FHOD3: variants seen among roughly 807,000 people sequenced by gnomAD.
The protein encoded by FHOD3 is FH1/FH2 domain-containing protein 3.
FHOD3 carries 90 observed loss-of-function variants against 173.0 expected under a neutral mutation model. The ratio of observed to expected loss-of-function variants is 0.52; its 90% CI spans 0.44 to 0.62. FHOD3 has a LOEUF of 0.62. FHOD3 is among the 20% of genes least tolerant of loss of function. The pLI is 0.00. For missense variants in FHOD3, 1,945 were observed against 2,034.7 expected, an observed-to-expected ratio of 0.96 and a Z score of 0.85; for synonymous variants, 828 against 823.0, an observed-to-expected ratio of 1.01 and a Z score of -0.10.
intron 27 of FHOD3, among the ~76,000 whole-genome samples, chr18:36,765,100 A>C (rs148967334): frequency 6.6e-6 from 1 of 152,312 alleles, no homozygotes; most frequent in Non-Finnish European, 1.5e-5. Flanking sequence ...TCCATGAGAC[A>C]TTTGCTAAAT....
intron 3 of FHOD3, among the ~76,000 whole-genome samples, chr18:36,449,719 A>G (rs2051712239): frequency 6.6e-6 from 1 of 152,182 alleles, no homozygotes; most frequent in Admixed American, 6.5e-5. Flanking sequence ...TCTTGTTCTG[A>G]TATACATAAT....
intron 3 of FHOD3, among the ~76,000 whole-genome samples, chr18:36,483,674 G>C (rs558297043): frequency 6.6e-6 from 1 of 152,322 alleles, no homozygotes; most frequent in Non-Finnish European, 1.5e-5. Flanking sequence ...AACTGGTACA[G>C]AGATTGTCAT....
chr18:36,676,735 C>T (rs1441727403), intron 14 of FHOD3, among the ~76,000 whole-genome samples: 1 of 152,140 alleles, frequency 6.6e-6, no homozygotes, highest in East Asian at 1.9e-4. Flanking sequence ...CAGTATATCA[C>T]TGTGGGTTTT....
Position 36,723,777 on chromosome 18 carries a change from C to T in FHOD3, c.3417+5062C>T, listed in dbSNP as rs561215857. ...CAGTGTCTATTATCAATTGCAGCAC[C>T]TTCTGGGGTGCATCCTCTGATACTA... On this transcript the variant is annotated intron_variant, in intron 19 of 28. Transcript: ENST00000590592. Among the ~76,000 whole-genome samples the T allele has an allele frequency of 2.0e-5, 3 of 152,312 alleles. No homozygotes were observed. The East Asian group carries it at 5.8e-4, about 29-fold the overall frequency.
At chr18:36,453,501 C>T (rs191665316) in intron 3 of FHOD3, among the ~76,000 whole-genome samples, 18 of 152,372 alleles carry the variant, frequency 1.2e-4, no homozygotes, top group African/African-American at 3.1e-4. Flanking sequence ...TATGCCCCTA[C>T]GTGCTCTGCG....
chr18:36,561,497 C>T (rs1328737035), intron 5 of FHOD3, among the ~76,000 whole-genome samples: 2 of 152,146 alleles, frequency 1.3e-5, no homozygotes, highest in African/African-American at 2.4e-5. Flanking sequence ...TCTGCTGTGG[C>T]TATTAGGCTG....
intron 3 of FHOD3, among the ~76,000 whole-genome samples, chr18:36,422,253 A>G (rs1431020468): frequency 2.0e-5 from 3 of 152,196 alleles, no homozygotes; most frequent in African/African-American, 7.2e-5. Context: ...GTAACATACC[A>G]TATATACTTT....
At chr18:36,622,859 T>A (rs2033819333) in intron 9 of FHOD3, among the ~76,000 whole-genome samples, 1 of 152,186 alleles carries the variant, frequency 6.6e-6, no homozygotes, top group Admixed American at 6.6e-5. Flanking sequence ...AAAGCCTCTC[T>A]TCCTGTCATC....
chr18:36,703,993 G>A (rs2039730521), intron 17 of FHOD3, among the ~76,000 whole-genome samples: 1 of 152,146 alleles, frequency 6.6e-6, no homozygotes, highest in South Asian at 2.1e-4. Context: ...TAGTGGCTGT[G>A]TTCTGGTTAT....
At chr18:36,627,654 T>A (rs1297810771) in intron 10 of FHOD3, among the ~76,000 whole-genome samples, 1 of 152,204 alleles carries the variant, frequency 6.6e-6, no homozygotes, top group Non-Finnish European at 1.5e-5. Context: ...GTTTTATCTA[T>A]CTAGATTGAT....
Position 36,717,941 on chromosome 18 carries a change from T to G in FHOD3, c.2643T>G (p.Ser881=). The G allele has an allele frequency of 6.2e-7, 1 of 1,613,812 alleles. No individual in the cohort carries two copies. The highest frequency in any genetic ancestry group is 1.1e-5 in the South Asian group (1 of 91,040). The change falls in exon 19 of 29, where the codon TCT becomes TCG. Residue 881 remains serine (S), a synonymous_variant. Coordinates refer to ENST00000590592, the MANE Select transcript of FHOD3 (RefSeq NM_001281740.3). ...TGCTGTATGCCCATAACAGGAAGTC[T>G]CCGGATGATGAGGAGAAGGGGGATG... ...LDMLYAHNRK[S]PDDEEKGDGE...
chr18:36,395,114 T>C (rs2048485805), intron 3 of FHOD3, among the ~76,000 whole-genome samples: 1 of 152,164 alleles, frequency 6.6e-6, no homozygotes, highest in African/African-American at 2.4e-5. Flanking sequence ...AGAATAACAG[T>C]ACTACCACCA....
intron 3 of FHOD3, among the ~76,000 whole-genome samples, chr18:36,438,045 C>T (rs933839613): frequency 1.3e-5 from 2 of 152,168 alleles, no homozygotes; most frequent in African/African-American, 4.8e-5. Flanking sequence ...AGGCTGCCTG[C>T]AGGGGATGCC....
At chr18:36,603,040 A>C (rs921959034) in intron 8 of FHOD3, among the ~76,000 whole-genome samples, 5 of 152,156 alleles carry the variant, frequency 3.3e-5, no homozygotes, top group African/African-American at 1.2e-4. Context: ...AACGCCACAG[A>C]TTGTTGGCTG....
intron 13 of FHOD3, among the ~76,000 whole-genome samples, chr18:36,655,039 CT>C (rs986119463): frequency 2.2e-4 from 31 of 140,672 alleles, no homozygotes; most frequent in African/African-American, 7.5e-4. Context: ...AACTGAGCTT[CT>C]TTTTTTTTCC....
intron 20 of FHOD3, among the ~76,000 whole-genome samples, chr18:36,737,983 C>T (rs1177862133): frequency 2.0e-5 from 3 of 152,144 alleles, no homozygotes; most frequent in Non-Finnish European, 4.4e-5. Context: ...TTGTGTTGCC[C>T]TTTTGTAGTT....
At chr18:36,392,297 A>T (rs983372067) in intron 3 of FHOD3, among the ~76,000 whole-genome samples, 1 of 152,188 alleles carries the variant, frequency 6.6e-6, no homozygotes, top group African/African-American at 2.4e-5. Flanking sequence ...CACAATGCAT[A>T]ACACATGATG....
chr18:36,628,217 T>C (rs1299668723), intron 10 of FHOD3, among the ~76,000 whole-genome samples: 1 of 152,190 alleles, frequency 6.6e-6, no homozygotes, highest in African/African-American at 2.4e-5. Flanking sequence ...ATTAACCTCA[T>C]TGTACAAGTG....
At chr18:36,582,725 G>A (rs557069224) in intron 6 of FHOD3, among the ~76,000 whole-genome samples, 1 of 152,154 alleles carries the variant, frequency 6.6e-6, no homozygotes, top group Non-Finnish European at 1.5e-5. Context: ...TGTTCATGTA[G>A]TACAAAGAAT....
Sources: gnomAD v4.1 joint callset for allele counts (sites outside exome capture counted in the v4.1 genomes callset) on GRCh38, gnomAD v4.1.1 for gene constraint, MANE v1.5 for transcripts, NCBI Gene and HGNC (gene_info 2026-07-23, HGNC 2026-07-21) for gene names.